GLRA1: variants seen among roughly 807,000 people sequenced by gnomAD.
GLRA1 encodes glycine receptor subunit alpha-1.
Under a neutral mutation model 48.3 loss-of-function variants are expected in GLRA1, and 37 were observed. The ratio of observed to expected loss-of-function variants is 0.77; its 90% CI spans 0.59 to 1.01. The LOEUF is 1.01. GLRA1 is among the 50% of genes least tolerant of loss of function. The pLI is 0.00. For synonymous variants in GLRA1, 196 were observed against 210.7 expected, an observed-to-expected ratio of 0.93 and a Z score of 0.60; for missense variants, 427 against 571.0, an observed-to-expected ratio of 0.75 and a Z score of 2.57.
rs1258822520 is a variant in GLRA1 at position 151,871,556 on chromosome 5, C to CTT, written c.253-11550_253-11549dup. 3.6e-5 allele frequency among the ~76,000 whole-genome samples: 5 copies of CTT among 138,754 alleles called. 1 individual carries two copies. The highest frequency in any genetic ancestry group is 8.4e-5 in the African/African-American group (3 of 35,692). 91.0% of individuals were successfully genotyped at this position (138,754 alleles called of 152,430 possible). A position where few individuals can be genotyped will look rare whatever the true frequency, so the allele number is the denominator to read the frequency against. ...GCAATCCTAATCAAAACCTGAGAGG[C>CTT]TTTTTTTTTTTTCTTTTTTTTTGAG... On this transcript the variant is annotated intron_variant, in intron 3 of 8. Coordinates refer to ENST00000274576, the MANE Select transcript of GLRA1 (RefSeq NM_000171.4).
At chr5:151,829,498 AC>A (rs1763370150) in intron 7 of GLRA1, among the ~76,000 whole-genome samples, 1 of 152,204 alleles carries the variant, frequency 6.6e-6, no homozygotes, top group African/African-American at 2.4e-5. Context: ...ACTTTTCAGA[AC>A]TCCACTAATT....
rs199505206 is a variant in GLRA1, at chr5:151,827,029, G to GTTTTTTTTT, written c.1059+1883_1059+1891dup. Among the ~76,000 whole-genome samples, 387 of 126,706 alleles carry GTTTTTTTTT rather than the reference G, an allele frequency of 3.1e-3. 4 individuals are homozygous for GTTTTTTTTT. Among genetic ancestry groups the GTTTTTTTTT allele is most frequent in the African/African-American group, 3.6e-3 (126 of 34,542 alleles). 83.1% of individuals were successfully genotyped at this position (126,706 alleles called of 152,430 possible). On this transcript the variant is annotated intron_variant, in intron 8 of 8. Coordinates refer to ENST00000274576, the MANE Select transcript of GLRA1 (RefSeq NM_000171.4). The stretch of plus-strand genomic sequence containing the variant: ...TTGGTCAGTTTCTTTCTTTCTTTCT[G>GTTTTTTTTT]TTTTTTTTTTTTTTTTTGAGACAAA...
intron 1 of GLRA1, 27 bp downstream of exon 1, chr5:151,924,467 C>T: frequency 2.9e-6 from 4 of 1,395,512 alleles, no homozygotes; most frequent in Non-Finnish European, 3.1e-6. Context: ...TCCATCAGAG[C>T]GATGTGGTCA....
chr5:151,849,396 C>A (rs1450776033), intron 7 of GLRA1, among the ~76,000 whole-genome samples: 5 of 5,894 alleles, frequency 8.5e-4, no homozygotes, highest in African/African-American at 5.0e-3. Context: ...CTTTCCTTTC[C>A]TTTCCTTTCC....
chr5:151,911,755 G>A (rs531683232), intron 1 of GLRA1, among the ~76,000 whole-genome samples: 9 of 151,924 alleles, frequency 5.9e-5, no homozygotes, highest in East Asian at 1.9e-4. Flanking sequence ...ACAGGTGCCC[G>A]CCACCGCACC....
intron 1 of GLRA1, among the ~76,000 whole-genome samples, chr5:151,922,914 T>C (rs1754915175): frequency 6.6e-6 from 1 of 152,242 alleles, no homozygotes; most frequent in South Asian, 2.1e-4. Flanking sequence ...AGAATCAATT[T>C]GCATACAAAT....
At chr5:151,856,444 A>G (rs771203870) in intron 4 of GLRA1, 61 bp from the exon 5 acceptor site, 6 of 1,056,854 alleles carry the variant, frequency 5.7e-6, no homozygotes, top group South Asian at 3.8e-5. Flanking sequence ...CTGTGCCTCT[A>G]TTCTAGTTAT....
Position 151,924,735 on chromosome 5 carries a change from A to G in GLRA1, c.-186T>C. ...CGAGGGGGTCGTAGATACCACGGACAGCGGCGGCTGCGAGGCGTTTCAGCA... is the reference window on the plus strand; with the variant it reads ...CGAGGGGGTCGTAGATACCACGGACGGCGGCGGCTGCGAGGCGTTTCAGCA... On this transcript the variant is annotated 5_prime_UTR_variant, in exon 1 of 9. Coordinates refer to ENST00000274576, the MANE Select transcript of GLRA1 (RefSeq NM_000171.4). The G allele has an allele frequency of 1.5e-6, 1 of 661,548 alleles. No homozygotes were observed. Among genetic ancestry groups the G allele is most frequent in the Non-Finnish European group, 2.7e-6 (1 of 363,974 alleles). The allele number at this position is 661,548 out of a possible 1,614,324, so 41.0% of individuals were successfully genotyped here.
chr5:151,916,292 G>C (rs536314739), intron 1 of GLRA1, among the ~76,000 whole-genome samples: 150 of 152,278 alleles, frequency 9.9e-4, no homozygotes, highest in Admixed American at 2.9e-3. Flanking sequence ...TGAGATCATG[G>C]ATATAAAACA....
At chr5:151,856,645 A>C (rs929994558) in intron 4 of GLRA1, among the ~76,000 whole-genome samples, 1 of 152,078 alleles carries the variant, frequency 6.6e-6, no homozygotes, top group Admixed American at 6.6e-5. Flanking sequence ...CAGCCTCCAG[A>C]GTAGATGTGA....
chr5:151,892,283 G>C (rs1285235210), intron 2 of GLRA1, 28 bp downstream of exon 2: 1 of 1,610,350 alleles, frequency 6.2e-7, no homozygotes, highest in Non-Finnish European at 8.5e-7. Flanking sequence ...GCATTTCCCT[G>C]TGGGTCTGGA....
intron 7 of GLRA1, among the ~76,000 whole-genome samples, chr5:151,835,017 GACA>G (rs1763532280): frequency 1.2e-5 from 1 of 84,782 alleles, no homozygotes; most frequent in African/African-American, 5.1e-5. Context: ...GACAGAGCGA[GACA>G]ACATCTCAAA....
At chr5:151,889,990 A>C (rs779233979) in intron 2 of GLRA1, among the ~76,000 whole-genome samples, 1 of 152,126 alleles carries the variant, frequency 6.6e-6, no homozygotes, top group African/African-American at 2.4e-5. Flanking sequence ...TATTGGGCCC[A>C]AGTGTTCCGA....
At chr5:151,922,368 G>A (rs1245473533) in intron 1 of GLRA1, among the ~76,000 whole-genome samples, 1 of 152,190 alleles carries the variant, frequency 6.6e-6, no homozygotes, top group African/African-American at 2.4e-5. Flanking sequence ...AATACAATCT[G>A]CTCACTTTGC....
chr5:151,822,977 A>G lies in GLRA1; in HGVS notation c.1060-14T>C. On this transcript the variant is annotated splice_polypyrimidine_tract_variant and intron_variant, in intron 8 of 8. Coordinates refer to ENST00000274576, the MANE Select transcript of GLRA1 (RefSeq NM_000171.4). ...AGCTTCATCCTCCTGGAATAGATTC[A>G]ACATGGGGCTCTACTTAAAATAAGA... 6.3e-7 allele frequency: 1 copy of G among 1,585,358 alleles called. No homozygotes were observed. Among genetic ancestry groups the G allele is most frequent in the Non-Finnish European group, 8.6e-7 (1 of 1,164,904 alleles).
At chr5:151,824,983 A>T (rs1763236802) in intron 8 of GLRA1, among the ~76,000 whole-genome samples, 1 of 152,150 alleles carries the variant, frequency 6.6e-6, no homozygotes, top group South Asian at 2.1e-4. Flanking sequence ...ATGGAGTTGT[A>T]TTTTTAGCAC....
rs569376213 is a variant in GLRA1, at chr5:151,904,653, T to C, written c.57-12215A>G. ...ATCAGGCTCTGGCTTTTGCTAGCTG[T>C]GCAGCCTTGGACAAGTTACTTATTC... On this transcript the variant is annotated intron_variant, in intron 1 of 8. Transcript: ENST00000274576. 5.3e-5 allele frequency among the ~76,000 whole-genome samples: 8 copies of C among 152,360 alleles called. No individual in the cohort carries two copies. In the South Asian group the frequency reaches 1.7e-3, roughly 32 times the overall value.
At chr5:151,914,485 G>A (rs532145069) in intron 1 of GLRA1, among the ~76,000 whole-genome samples, 7 of 152,334 alleles carry the variant, frequency 4.6e-5, no homozygotes, top group African/African-American at 1.7e-4. Flanking sequence ...GTATACTCCT[G>A]TGTGTCTGGG....
chr5:151,879,931 A>G (rs896548129), intron 3 of GLRA1, among the ~76,000 whole-genome samples: 1 of 152,158 alleles, frequency 6.6e-6, no homozygotes, highest in African/African-American at 2.4e-5. Flanking sequence ...CGTTGGGGGC[A>G]GGTCTTTCCC....
Sources: allele counts gnomAD v4.1 joint callset (sites outside exome capture counted in the v4.1 genomes callset), GRCh38; gene constraint gnomAD v4.1.1; transcripts MANE v1.5; gene names NCBI Gene and HGNC (gene_info 2026-07-23, HGNC 2026-07-21).